Variants in PLEKHA8 observed in about 807,000 individuals in gnomAD.
PLEKHA8 encodes pleckstrin homology domain-containing family A member 8.
Under a neutral mutation model 68.2 loss-of-function variants are expected in PLEKHA8, and 36 were observed. The observed-to-expected ratio is 0.53, with a 90% CI of 0.40 to 0.70. The LOEUF (loss-of-function observed/expected upper bound fraction) is 0.70. PLEKHA8 is among the 30% of genes least tolerant of loss of function. The pLI is 0.00. For synonymous variants in PLEKHA8, 211 were observed against 216.1 expected (o/e 0.98, Z 0.20); for missense variants, 505 against 615.4 (o/e 0.82, Z 1.90).
chr7:30,084,712 C>T (rs532085748), downstream of PLEKHA8: 11 of 827,138 alleles, frequency 1.3e-5, no homozygotes, highest in Admixed American at 1.2e-4. Flanking sequence ...TAAAAAGTCT[C>T]GTTTATGGAA....
At chr7:30,117,991 T>C (rs1164848355) in intron 13 of PLEKHA8, 1 of 1,531,568 alleles carries the variant, frequency 6.5e-7, no homozygotes, top group East Asian at 2.5e-5. Context: ...TGTCTGATGG[T>C]GGCCCAGGAG....
chr7:30,083,438 C>G lies in PLEKHA8; in HGVS notation c.*4651C>G, dbSNP rs1795041730. 4.1e-6 allele frequency: 4 copies of G among 985,014 alleles called. No individual in the cohort carries two copies. The highest frequency in any genetic ancestry group is 4.8e-6 in the Non-Finnish European group (4 of 829,766). The allele number at this position is 985,014 out of a possible 1,614,324, so 61.0% of individuals were successfully genotyped here. On this transcript the variant is annotated 3_prime_UTR_variant, in exon 14 of 14. Coordinates refer to ENST00000449726, the MANE Select transcript of PLEKHA8 (RefSeq NM_001197026.2). ...TAAATATACTGTTTACTAGACCTTC[C>G]CTGTAAATGTTCCCAATTCCCATCC...
chr7:30,091,125 G>A (rs548786410), downstream of PLEKHA8, among the ~76,000 whole-genome samples: 47 of 152,254 alleles, frequency 3.1e-4, no homozygotes, highest in African/African-American at 1.1e-3. Context: ...CCTCCAGTCC[G>A]GGCAATACAG....
chr7:30,073,882 C>T (rs561878274), intron 12 of PLEKHA8, among the ~76,000 whole-genome samples, 189 bp from the exon 13 acceptor site: 1 of 151,922 alleles, frequency 6.6e-6, no homozygotes, highest in South Asian at 2.1e-4. Flanking sequence ...CCTAGCTACT[C>T]GTGGAGCTGA....
intron 12 of PLEKHA8, among the ~76,000 whole-genome samples, chr7:30,068,990 TTGTA>T (rs1266613536): frequency 6.6e-6 from 1 of 151,654 alleles, no homozygotes; most frequent in African/African-American, 2.4e-5. Context: ...TTTTCCCCAC[TTGTA>T]TGTAATACCA....
intron 1 of PLEKHA8, among the ~76,000 whole-genome samples, chr7:30,030,205 C>T (rs1408934853): frequency 6.6e-6 from 1 of 152,216 alleles, no homozygotes; most frequent in Non-Finnish European, 1.5e-5. Flanking sequence ...TGATCCTTCA[C>T]TCCTTTCCAT....
intron 10 of PLEKHA8, 118 bp from the exon 11 acceptor site, chr7:30,061,779 G>A (rs1426856657): frequency 9.4e-7 from 1 of 1,062,154 alleles, no homozygotes; most frequent in Non-Finnish European, 1.4e-6. Context: ...AAGGTAATAG[G>A]AGCTTAATTT....
intron 13 of PLEKHA8, among the ~76,000 whole-genome samples, chr7:30,097,827 G>A (rs938848634): frequency 5.3e-5 from 8 of 152,132 alleles, no homozygotes; most frequent in African/African-American, 1.4e-4. Context: ...CTCTCAACTC[G>A]TCAAAGTCAT....
chr7:30,068,075 T>C (rs1342748284), intron 12 of PLEKHA8, among the ~76,000 whole-genome samples: 4 of 152,244 alleles, frequency 2.6e-5, no homozygotes, highest in Non-Finnish European at 5.9e-5. Context: ...GGGGCCTTAC[T>C]GCTTGAGAAG....
At chr7:30,129,361 G>A in exon 14 of PLEKHA8, 1 of 1,610,206 alleles carries the variant, frequency 6.2e-7, no homozygotes. Flanking sequence ...CGGTAAAGCA[G>A]AAAGAAGAGC....
chr7:30,054,081 C>T (rs879938102), intron 7 of PLEKHA8, among the ~76,000 whole-genome samples: 22 of 152,102 alleles, frequency 1.4e-4, no homozygotes, highest in Non-Finnish European at 2.9e-5. Flanking sequence ...CGGTACTATA[C>T]TTGGGAGCCC....
intron 1 of PLEKHA8, 50 bp from the exon 2 acceptor site, chr7:30,045,035 A>G: frequency 7.8e-7 from 1 of 1,281,334 alleles, no homozygotes. Flanking sequence ...CTTGGGAGGT[A>G]GTTCATACAC....
chr7:30,074,343 A>G (rs1174608559), intron 13 of PLEKHA8, among the ~76,000 whole-genome samples: 2 of 151,920 alleles, frequency 1.3e-5, no homozygotes, highest in African/African-American at 4.8e-5. Flanking sequence ...ATTTACGTTT[A>G]TAGGCCTTTG....
intron 9 of PLEKHA8, among the ~76,000 whole-genome samples, chr7:30,060,322 T>C (rs764199000): frequency 4.6e-5 from 7 of 151,372 alleles, no homozygotes; most frequent in Non-Finnish European, 8.8e-5. Flanking sequence ...GCATCTGTAA[T>C]CTCAGCTACT....
chr7:30,065,218 C>T (rs976156656), intron 12 of PLEKHA8, among the ~76,000 whole-genome samples: 3 of 152,098 alleles, frequency 2.0e-5, no homozygotes, highest in Non-Finnish European at 4.4e-5. Flanking sequence ...TCTTCTCCTT[C>T]GGCACAATTT....
At chr7:30,110,080 A>C (rs1796219652) in intron 13 of PLEKHA8, among the ~76,000 whole-genome samples, 1 of 152,270 alleles carries the variant, frequency 6.6e-6, no homozygotes, top group Non-Finnish European at 1.5e-5. Flanking sequence ...AGTGCCTTTC[A>C]TTATATTTAC....
At chr7:30,034,820 C>T (rs954297500) in intron 1 of PLEKHA8, among the ~76,000 whole-genome samples, 1 of 151,372 alleles carries the variant, frequency 6.6e-6, no homozygotes, top group Middle Eastern at 3.4e-3. Flanking sequence ...CATTTTCTTC[C>T]TGGTATCATT....
At chr7:30,106,140 C>A (rs1028017777) in intron 13 of PLEKHA8, among the ~76,000 whole-genome samples, 2 of 151,690 alleles carry the variant, frequency 1.3e-5, no homozygotes, top group East Asian at 3.9e-4. Flanking sequence ...TTCACTGCAA[C>A]CACTGCCTCC....
rs1362875562 is a variant in PLEKHA8 at position 30,080,446 on chromosome 7, T to A, written c.*1659T>A. On this transcript the variant is annotated 3_prime_UTR_variant, in exon 14 of 14. Coordinates refer to ENST00000449726, the MANE Select transcript of PLEKHA8 (RefSeq NM_001197026.2). ...TTGGTTGAATTGAGAGCATCATCTCTAGATGATGCTGTTCCTGCTGCAGAT... is the reference window on the plus strand; with the variant it reads ...TTGGTTGAATTGAGAGCATCATCTCAAGATGATGCTGTTCCTGCTGCAGAT... 1.0e-6 allele frequency: 1 copy of A among 985,096 alleles called. No homozygotes were observed. Among genetic ancestry groups the A allele is most frequent in the Non-Finnish European group, 1.2e-6 (1 of 829,788 alleles). The allele number at this position is 985,096 out of a possible 1,614,324, so 61.0% of individuals were successfully genotyped here.
Sources: gnomAD v4.1 joint callset for allele counts (sites outside exome capture counted in the v4.1 genomes callset) on GRCh38, gnomAD v4.1.1 for gene constraint, MANE v1.5 for transcripts, NCBI Gene and HGNC (gene_info 2026-07-23, HGNC 2026-07-21) for gene names.